The following PRPF40B variants were observed in gnomAD, a reference collection of about 807,000 sequenced individuals.
PRPF40B encodes pre-mRNA processing factor 40B.
PRPF40B carries 56 observed loss-of-function variants against 124.5 expected under a neutral mutation model. The ratio of observed to expected loss-of-function variants is 0.45; its 90% confidence interval spans 0.36 to 0.56. The LOEUF is 0.56. Ranked by LOEUF, PRPF40B falls within the 20% of genes least tolerant of loss-of-function variation. The pLI, the probability that PRPF40B is intolerant of heterozygous loss-of-function variation, is 0.00. For synonymous variants in PRPF40B, 443 were observed against 426.4 expected, an observed-to-expected ratio of 1.04 and a Z score of -0.48; for missense variants, 1,053 against 1,169.5, an observed-to-expected ratio of 0.90 and a Z score of 1.45.
At chr12:49,643,517 G>T (rs1592626236) in intron 23 of PRPF40B, 120 bp downstream of exon 23, 3 of 1,417,208 alleles carry the variant, frequency 2.1e-6, no homozygotes, top group East Asian at 2.3e-5. Context: ...ACCTGTGGAA[G>T]TAGAAAGAAC....
Position 49,636,832 on chromosome 12 carries a change from A to G in PRPF40B, c.1543A>G (p.Asn515Asp). ...RLRERRQQRK[N>D]REAFQTFLDE... ...TCGGGAGCGACGCCAACAACGCAAG[A>G]ATCGGGAGGCCTTCCAGGTATCTTT... Residue 515 changes from asparagine (N) to aspartate (D), a missense_variant, in exon 16 of 26, where the codon AAT (asparagine) becomes GAT (aspartate). Physicochemically the swap from Asn to Asp is conservative, Grantham distance 23 (BLOSUM62 1). Transcript: ENST00000548825. 1 of 1,614,042 alleles carries G rather than the reference A, an allele frequency of 6.2e-7. No homozygotes were observed. The highest frequency in any genetic ancestry group is 1.1e-5 in the South Asian group (1 of 91,074).
In PRPF40B at chr12:49,633,005, C is replaced by CT. The variant is rs755524738; in HGVS notation, c.349-9_349-8insT. The CT allele has an allele frequency of 5.5e-6, 4 of 727,998 alleles. No homozygotes were observed. The highest frequency in any genetic ancestry group is 1.9e-5 in the African/African-American group (1 of 53,890). The allele number at this position is 727,998 out of a possible 1,614,324, so 45.1% of individuals were successfully genotyped here. ...TTGACCACCATTCTGTGCCCCCCCCCCCACCCAGAGGGCCCTATGGAGTGA... is the reference window on the plus strand; with the variant it reads ...TTGACCACCATTCTGTGCCCCCCCCCTCCACCCAGAGGGCCCTATGGAGTGA... On this transcript the variant is annotated splice_polypyrimidine_tract_variant and intron_variant, in intron 6 of 25. Coordinates refer to ENST00000548825, the MANE Select transcript of PRPF40B (RefSeq NM_001031698.3).
intron 1 of PRPF40B, among the ~76,000 whole-genome samples, chr12:49,624,593 T>TA (rs1940531962): frequency 6.6e-6 from 1 of 152,208 alleles, no homozygotes; most frequent in African/African-American, 2.4e-5. Context: ...CTCATGCCTG[T>TA]AATCCCAGCA....
At chr12:49,637,697 GC>G (rs1565839898) in intron 17 of PRPF40B, 35 bp from the exon 18 acceptor site, 2 of 1,450,746 alleles carry the variant, frequency 1.4e-6, no homozygotes, top group Admixed American at 3.7e-5. Context: ...TTGGGAAGCT[GC>G]CGCCCGCCAG....
intron 2 of PRPF40B, 150 bp downstream of exon 2, chr12:49,630,775 G>C (rs988893174): frequency 4.9e-6 from 3 of 606,208 alleles, no homozygotes; most frequent in South Asian, 3.9e-5. Flanking sequence ...TGAGCATTGG[G>C]TTGGGGAGAG....
chr12:49,631,713 GA>G lies in PRPF40B; in HGVS notation c.229-146del, dbSNP rs1435799800. ...CTGAGACAACTCTCAGGCAAGGTGAGAGGCCAGAATCTGGGGATTGCCTGAG... is the reference window on the plus strand; with the variant it reads ...CTGAGACAACTCTCAGGCAAGGTGAGGGCCAGAATCTGGGGATTGCCTGAG... On this transcript the variant is annotated intron_variant, in intron 3 of 25. Transcript: ENST00000548825. This position sits in a 1 kb window ranked among gnomAD's most constrained non-coding sequence, Gnocchi z 4.3. 8.1e-6 allele frequency: 10 copies of G among 1,234,502 alleles called. No homozygotes were observed. The highest frequency in any genetic ancestry group is 1.2e-5 in the Non-Finnish European group (10 of 845,730). 76.5% of individuals were successfully genotyped at this position (1,234,502 alleles called of 1,614,324 possible).
At chr12:49,637,605 C>T (rs757427271) in intron 17 of PRPF40B, 21 bp downstream of exon 17, 1 of 1,605,006 alleles carries the variant, frequency 6.2e-7, no homozygotes, top group Non-Finnish European at 8.5e-7. Context: ...CAGGCTCCCC[C>T]TTCTCTGGCC....
chr12:49,626,111 T>C (rs12299505), intron 1 of PRPF40B, among the ~76,000 whole-genome samples: 32,864 of 152,158 alleles, frequency 0.22, 5,938 homozygotes, highest in African/African-American at 0.5. Flanking sequence ...CCACAAAGAC[T>C]TCTGCCAAGC....
At chr12:49,626,153 GA>G (rs1454622202) in intron 1 of PRPF40B, among the ~76,000 whole-genome samples, 1 of 152,208 alleles carries the variant, frequency 6.6e-6, no homozygotes, top group Admixed American at 6.5e-5. Context: ...GTATGTCAGA[GA>G]ATTTATACAG....
At position 49,641,720 on chromosome 12, in the gene PRPF40B, G is replaced by A. The variant is rs1433145808; in HGVS notation, c.1768-188G>A. On this transcript the variant is annotated intron_variant, in intron 18 of 25. Transcript: ENST00000548825. ...GCTCTGTGTGACATCCAAACCAAGG[G>A]TAGGCATGGGGGCTTAATTGTCAAG... is the stretch of plus-strand genomic sequence containing the variant. 4 of 588,378 alleles carry A rather than the reference G, an allele frequency of 6.8e-6. No homozygotes were observed. In the East Asian group the frequency reaches 8.4e-5, roughly 12 times the overall value. 36.4% of individuals were successfully genotyped at this position (588,378 alleles called of 1,614,324 possible).
rs139675241 is a variant in PRPF40B at position 49,631,445 on chromosome 12, A to G, written c.129A>G (p.Leu43=). The part of the protein sequence containing the change: ...GIPPPFPPMG[L]PPMSQRPPAI... Reference sequence around the variant, plus strand: ...CCCCACCCTTTCCTCCGATGGGGCTACCCCCCATGAGTCAGAGACCACCAG... The same window carrying G: ...CCCCACCCTTTCCTCCGATGGGGCTGCCCCCCATGAGTCAGAGACCACCAG... Residue 43 remains leucine, a synonymous_variant, in exon 3 of 26, where the codon CTA becomes CTG. Transcript: ENST00000548825. This position sits in a 1 kb window ranked among gnomAD's most constrained non-coding sequence, Gnocchi z 4.3. 8.4e-7 allele frequency: 1 copy of G among 1,187,784 alleles called. No homozygotes were observed. The highest frequency in any genetic ancestry group is 2.1e-5 in the South Asian group (1 of 47,010). 73.6% of individuals were successfully genotyped at this position (1,187,784 alleles called of 1,614,324 possible).
At position 49,634,312 on chromosome 12, in the gene PRPF40B, G is replaced by A. The variant is rs778481504; in HGVS notation, c.813-20G>A. 5.6e-6 allele frequency: 9 copies of A among 1,614,012 alleles called. No homozygotes were observed. Among genetic ancestry groups the A allele is most frequent in the Non-Finnish European group, 6.8e-6 (8 of 1,180,030 alleles). ...GTGAGAGCTGGGGGACCCTGTGGCT[G>A]AGTCCCCTGTGCCCTCCAGTTCTGG... On this transcript the variant is annotated intron_variant, in intron 10 of 25. Transcript: ENST00000548825.
Position 49,644,579 on chromosome 12 carries a change from T to A in PRPF40B, c.*387T>A. The stretch of plus-strand genomic sequence containing the variant: ...TGCCTGCTCCTGCCTGCCCTGGCCC[T>A]GAGGCTCCACCACTTCTTCCTCCAC... On this transcript the variant is annotated 3_prime_UTR_variant, in exon 26 of 26. Transcript: ENST00000548825. 4.1e-6 allele frequency: 1 copy of A among 242,916 alleles called. No individual in the cohort carries two copies. Among genetic ancestry groups the A allele is most frequent in the African/African-American group, 2.2e-5 (1 of 45,096 alleles). 15.0% of individuals were successfully genotyped at this position (242,916 alleles called of 1,614,324 possible).
Position 49,635,774 on chromosome 12 carries a change from C to T in PRPF40B, c.1276-69C>T. On this transcript the variant is annotated intron_variant, in intron 14 of 25. Transcript: ENST00000548825. This position sits in a 1 kb window ranked among gnomAD's most constrained non-coding sequence, Gnocchi z 4.1. ...TTCCCTAGCTACCTTTCCCCAGGTC[C>T]TCCTCTGCCCAGGCCTACTTGGGTA... The T allele has an allele frequency of 1.3e-6, 2 of 1,576,238 alleles. No homozygotes were observed. Among genetic ancestry groups the T allele is most frequent in the Middle Eastern group, 2.1e-4 (1 of 4,800 alleles).
At chr12:49,624,211 A>G (rs541389101) in intron 1 of PRPF40B, 4 of 966,792 alleles carry the variant, frequency 4.1e-6, no homozygotes, top group Non-Finnish European at 4.9e-6. Flanking sequence ...TTTCCCATCA[A>G]TTTTTTTAAA....
Position 49,632,589 on chromosome 12 carries a change from T to G in PRPF40B, c.295-7T>G. The G allele has an allele frequency of 6.2e-7, 1 of 1,613,622 alleles. No homozygotes were observed. Among genetic ancestry groups the G allele is most frequent in the Non-Finnish European group, 8.5e-7 (1 of 1,179,880 alleles). On this transcript the variant is annotated splice_region_variant and splice_polypyrimidine_tract_variant and intron_variant, in intron 4 of 25. Transcript: ENST00000548825. The stretch of plus-strand genomic sequence containing the variant: ...CCCAACCCTTCCCCCTCCTCTTTCT[T>G]CGGCAGACGGCTCCGGGTGCGGACA...
Position 49,644,359 on chromosome 12 carries a change from T to C in PRPF40B, c.*167T>C. 3 of 764,434 alleles carry C rather than the reference T, an allele frequency of 3.9e-6. No homozygotes were observed. Among genetic ancestry groups the C allele is most frequent in the African/African-American group, 3.4e-5 (2 of 58,330 alleles). 47.4% of individuals were successfully genotyped at this position (764,434 alleles called of 1,614,324 possible). A position where few individuals can be genotyped will look rare whatever the true frequency, so the allele number is the denominator to read the frequency against. On this transcript the variant is annotated 3_prime_UTR_variant, in exon 26 of 26. Coordinates refer to ENST00000548825, the MANE Select transcript of PRPF40B (RefSeq NM_001031698.3). ...GCACCTCTCAAGGTTGCTCTTGGTGTTCAAGGGTCCCCTACTCCCTGGACT... is the reference window on the plus strand; with the variant it reads ...GCACCTCTCAAGGTTGCTCTTGGTGCTCAAGGGTCCCCTACTCCCTGGACT...
intron 1 of PRPF40B, among the ~76,000 whole-genome samples, chr12:49,628,370 C>T (rs979589306): frequency 4.6e-5 from 7 of 151,934 alleles, no homozygotes; most frequent in African/African-American, 7.3e-5. Flanking sequence ...AAGCAGTTCT[C>T]GTGCCTCAGC....
chr12:49,634,238 G>A, intron 10 of PRPF40B, 94 bp from the exon 11 acceptor site: 1 of 1,599,702 alleles, frequency 6.3e-7, no homozygotes, highest in Non-Finnish European at 8.5e-7. Flanking sequence ...CTGCCCTGGG[G>A]AACAAGGAGG....
Sources: allele counts gnomAD v4.1 joint callset (sites outside exome capture counted in the v4.1 genomes callset), GRCh38; gene constraint gnomAD v4.1.1; non-coding constraint Gnocchi (gnomAD v3.1); transcripts MANE v1.5; gene names NCBI Gene and HGNC (gene_info 2026-07-23, HGNC 2026-07-21).